DNAJC5: variants seen among roughly 807,000 people sequenced by gnomAD.
The protein encoded by DNAJC5 is DnaJ heat shock protein family (Hsp40) member C5, also known as dnaJ homolog subfamily C member 5.
A neutral mutation model predicts 23.2 loss-of-function variants in DNAJC5; 1 was observed. That is an observed-to-expected ratio of 0.04 (90% CI 0.02 to 0.20). The LOEUF (loss-of-function observed/expected upper bound fraction) is 0.20, where lower values mean the gene tolerates loss of function less well. Ranked by LOEUF, DNAJC5 falls within the 10% of genes least tolerant of loss-of-function variation. The pLI, the probability that DNAJC5 is intolerant of heterozygous loss-of-function variation, is 1.00. For missense variants in DNAJC5, 180 were observed against 267.0 expected (o/e 0.67, Z 2.27); for synonymous variants, 136 against 120.0 (o/e 1.13, Z -0.87).
chr20:63,906,744 C>G (rs2053451056), intron 1 of DNAJC5, among the ~76,000 whole-genome samples: 1 of 152,058 alleles, frequency 6.6e-6, no homozygotes, highest in Non-Finnish European at 1.5e-5. Context: ...CGAGATCGCG[C>G]CACTGCACTC....
In DNAJC5 at chr20:63,929,435, C is replaced by T. The variant is rs766072943; in HGVS notation, c.231C>T (p.Asp77=). The T allele has an allele frequency of 8.1e-6, 13 of 1,614,094 alleles. No homozygotes were observed. The African/African-American group carries it at 1.6e-4, about 20-fold the overall frequency. ...ACGCCACAAAAAGGAACATCTACGA[C>T]AAGTACGGCTCGCTGGGTCTCTACG... ...LTDATKRNIY[D]KYGSLGLYVA... Residue 77 remains aspartate, a synonymous_variant, in exon 3 of 5, where the codon GAC becomes GAT. Transcript: ENST00000360864. This position sits in a 1 kb window ranked among gnomAD's most constrained non-coding sequence, Gnocchi z 8.6.
intron 1 of DNAJC5, among the ~76,000 whole-genome samples, chr20:63,924,877 G>C (rs773451246): frequency 2.0e-5 from 3 of 152,242 alleles, no homozygotes; most frequent in Non-Finnish European, 2.9e-5. Context: ...GGCCACACTG[G>C]CGTGCCCCAA....
chr20:63,903,963 G>C (rs912694749), intron 1 of DNAJC5, among the ~76,000 whole-genome samples: 1 of 152,186 alleles, frequency 6.6e-6, no homozygotes, highest in Non-Finnish European at 1.5e-5. Context: ...GTGCATGCCT[G>C]TGGTCCCAGC....
chr20:63,918,002 T>C (rs6122041), intron 1 of DNAJC5, among the ~76,000 whole-genome samples: 52,305 of 152,006 alleles, frequency 0.34, 10,740 homozygotes, highest in East Asian at 0.81. Flanking sequence ...CTGCATCAGC[T>C]TCACGCTGTC....
intron 1 of DNAJC5, among the ~76,000 whole-genome samples, chr20:63,910,922 G>A (rs1198484046): frequency 1.3e-5 from 2 of 152,106 alleles, no homozygotes; most frequent in Admixed American, 6.6e-5. Flanking sequence ...GCCTGCCTTG[G>A]CCTCCCAAAG....
intron 1 of DNAJC5, among the ~76,000 whole-genome samples, chr20:63,925,448 A>G (rs1436439819): frequency 6.6e-6 from 1 of 152,142 alleles, no homozygotes; most frequent in East Asian, 1.9e-4. Context: ...ACACCACTGC[A>G]CTCCAGCCTG....
At chr20:63,904,720 G>A (rs752467721) in intron 1 of DNAJC5, among the ~76,000 whole-genome samples, 3 of 152,202 alleles carry the variant, frequency 2.0e-5, no homozygotes, top group Non-Finnish European at 4.4e-5. Context: ...CTGCCTCCCA[G>A]TAAAGCCTTA....
chr20:63,915,321 T>G (rs1263204188), intron 1 of DNAJC5, among the ~76,000 whole-genome samples: 1 of 151,920 alleles, frequency 6.6e-6, no homozygotes, highest in Non-Finnish European at 1.5e-5. Flanking sequence ...AAAGGTGACT[T>G]GGAGGAGGGC....
chr20:63,911,088 G>T (rs1267061652), intron 1 of DNAJC5, among the ~76,000 whole-genome samples: 1 of 152,128 alleles, frequency 6.6e-6, no homozygotes, highest in Non-Finnish European at 1.5e-5. Context: ...ATCTTTATTA[G>T]GTTTCCAGAC....
In DNAJC5 at chr20:63,929,875, A is replaced by T. The variant is rs559173027; in HGVS notation, c.321+350A>T. Among the ~76,000 whole-genome samples, 1 of 152,198 alleles carries T rather than the reference A, an allele frequency of 6.6e-6. No homozygotes were observed. Among genetic ancestry groups the T allele is most frequent in the African/African-American group, 2.4e-5 (1 of 41,538 alleles). ...CTGGGCATATGGAGCCTTTCTCCTCACCTGTGTGATGGGCGAAGCTCTGTC... is the reference window on the plus strand; with the variant it reads ...CTGGGCATATGGAGCCTTTCTCCTCTCCTGTGTGATGGGCGAAGCTCTGTC... On this transcript the variant is annotated intron_variant, in intron 3 of 4. Transcript: ENST00000360864. The surrounding 1 kb of genome is among the most constrained non-coding windows in gnomAD (Gnocchi z 8.6).
At chr20:63,895,745 G>A (rs549028762) in intron 1 of DNAJC5, among the ~76,000 whole-genome samples, 1 of 152,348 alleles carries the variant, frequency 6.6e-6, no homozygotes, top group South Asian at 2.1e-4. Flanking sequence ...TTTAGTCCCT[G>A]GGTCGTTGTG....
chr20:63,921,203 C>T (rs777585010), intron 1 of DNAJC5, among the ~76,000 whole-genome samples: 1 of 152,170 alleles, frequency 6.6e-6, no homozygotes, highest in Non-Finnish European at 1.5e-5. Flanking sequence ...AGGTGATCCG[C>T]CCTCCTCAGC....
rs1467846066 is a variant in DNAJC5 at position 63,934,957 on chromosome 20, G to C, written c.*3389G>C. 1 of 152,250 alleles carries C rather than the reference G, an allele frequency of 6.6e-6. No individual in the cohort carries two copies. Among genetic ancestry groups the C allele is most frequent in the Non-Finnish European group, 1.5e-5 (1 of 68,066 alleles). The allele number at this position is 152,250 out of a possible 1,614,324, so 9.4% of individuals were successfully genotyped here. ...CGCTTGTCCACCCTCCCTTAGCTCT[G>C]ACTCAGTGCATCCTACTGTGGGGAC... On this transcript the variant is annotated 3_prime_UTR_variant, in exon 5 of 5. Transcript: ENST00000360864.
At chr20:63,917,498 C>T (rs1185807911) in intron 1 of DNAJC5, among the ~76,000 whole-genome samples, 1 of 152,102 alleles carries the variant, frequency 6.6e-6, no homozygotes. Context: ...AGTGACATGC[C>T]CACCTTGGCC....
intron 1 of DNAJC5, among the ~76,000 whole-genome samples, chr20:63,923,267 C>T (rs2053586233): frequency 6.6e-6 from 1 of 151,732 alleles, no homozygotes; most frequent in Non-Finnish European, 1.5e-5. Flanking sequence ...CAAAGCCAGA[C>T]CGTGTCTCTA....
rs1381757182 is a variant in DNAJC5, at chr20:63,920,483, T to C, written c.-11-7852T>C. ...CAGGGCTGTGAAGGAGCCGAGGTCA[T>C]AGAGTGGCTGCCCTGGCGTAGGGAG... On this transcript the variant is annotated intron_variant, in intron 1 of 4. Coordinates refer to ENST00000360864, the MANE Select transcript of DNAJC5 (RefSeq NM_025219.3). This position sits in a 1 kb window ranked among gnomAD's most constrained non-coding sequence, Gnocchi z 4.6. Among the ~76,000 whole-genome samples the C allele has an allele frequency of 6.6e-6, 1 of 152,108 alleles. No individual in the cohort carries two copies. The highest frequency in any genetic ancestry group is 1.5e-5 in the Non-Finnish European group (1 of 67,994).
In DNAJC5 at chr20:63,928,158, T is replaced by C. The variant is rs1312360121; in HGVS notation, c.-11-177T>C. On this transcript the variant is annotated intron_variant, in intron 1 of 4. Transcript: ENST00000360864. The surrounding 1 kb of genome is among the most constrained non-coding windows in gnomAD (Gnocchi z 4.6). The stretch of plus-strand genomic sequence containing the variant: ...TCTTCAGGATCTCTTGGGGTGGCCG[T>C]ATTCTGCCGTCTCACACTTCTCCAT... 1.3e-5 allele frequency among the ~76,000 whole-genome samples: 2 copies of C among 152,104 alleles called. No homozygotes were observed. The highest frequency in any genetic ancestry group is 6.6e-5 in the Admixed American group (1 of 15,262).
chr20:63,927,384 A>C (rs2053624991), intron 1 of DNAJC5, among the ~76,000 whole-genome samples: 1 of 152,190 alleles, frequency 6.6e-6, no homozygotes, highest in Non-Finnish European at 1.5e-5. Flanking sequence ...AAAAATACCA[A>C]AATTAGCTGG....
intron 1 of DNAJC5, among the ~76,000 whole-genome samples, chr20:63,916,008 A>G (rs941009548): frequency 2.0e-5 from 3 of 151,854 alleles, no homozygotes; most frequent in African/African-American, 7.3e-5. Context: ...ATCTCGGCTC[A>G]CTGCAACCTC....
Sources: gnomAD v4.1 joint callset for allele counts (sites outside exome capture counted in the v4.1 genomes callset) on GRCh38, gnomAD v4.1.1 for gene constraint, Gnocchi (gnomAD v3.1) non-coding constraint, MANE v1.5 for transcripts, NCBI Gene and HGNC (gene_info 2026-07-23, HGNC 2026-07-21) for gene names.